CLMP: variants seen among roughly 807,000 people sequenced by gnomAD.
The protein encoded by CLMP is CXADR-like membrane protein.
CLMP carries 27 observed loss-of-function variants against 45.2 expected under a neutral mutation model. The observed-to-expected ratio is 0.60, with a 90% CI of 0.44 to 0.82. The LOEUF is 0.82. Ranked by LOEUF, CLMP falls within the 40% of genes least tolerant of loss-of-function variation. The pLI, the probability that CLMP is intolerant of heterozygous loss-of-function variation, is 0.00. For synonymous variants in CLMP, 167 were observed against 171.4 expected (o/e 0.97, Z 0.20); for missense variants, 403 against 448.4 (o/e 0.90, Z 0.91).
chr11:123,093,722 G>T (rs1295618135), intron 2 of CLMP, among the ~76,000 whole-genome samples: 1 of 151,952 alleles, frequency 6.6e-6, no homozygotes, highest in Admixed American at 6.6e-5. Context: ...AGTTCATCAG[G>T]GTGTGATGGG....
intron 2 of CLMP, among the ~76,000 whole-genome samples, chr11:123,088,407 C>T (rs1865889789): frequency 6.6e-6 from 1 of 152,142 alleles, no homozygotes; most frequent in South Asian, 2.1e-4. Context: ...ACTAGGTGCT[C>T]TGTTAATGTT....
At position 123,195,034 on chromosome 11, in the gene CLMP, G is replaced by C. The variant is rs1861962779; in HGVS notation, c.-94C>G. ...GACGGACCTCGGGCGAGCTGGGCGC[G>C]GCGCCTCGGGGTGCGCGCGAGGTGG... On this transcript the variant is annotated 5_prime_UTR_variant, in exon 1 of 7. Transcript: ENST00000448775. 2 of 1,265,780 alleles carry C rather than the reference G, an allele frequency of 1.6e-6. No individual in the cohort carries two copies. The highest frequency in any genetic ancestry group is 3.1e-5 in the Admixed American group (1 of 31,848). 78.4% of individuals were successfully genotyped at this position (1,265,780 alleles called of 1,614,324 possible). A position where few individuals can be genotyped will look rare whatever the true frequency, so the allele number is the denominator to read the frequency against.
intron 1 of CLMP, chr11:123,135,823 C>A: frequency 2.8e-6 from 1 of 363,268 alleles, no homozygotes; most frequent in Non-Finnish European, 5.5e-6. Context: ...TTTCTCCTTG[C>A]CCTACAGACT....
intron 5 of CLMP, among the ~76,000 whole-genome samples, chr11:123,075,562 T>G (rs913472490): frequency 6.6e-6 from 1 of 152,004 alleles, no homozygotes; most frequent in African/African-American, 2.4e-5. Flanking sequence ...AGTTTTTTTG[T>G]ATTTTTAGTA....
At chr11:123,110,639 A>G (rs1460486835) in intron 1 of CLMP, among the ~76,000 whole-genome samples, 2 of 152,060 alleles carry the variant, frequency 1.3e-5, no homozygotes, top group East Asian at 3.9e-4. Flanking sequence ...TGGTGTTGGT[A>G]CAAAGACCAA....
At position 123,106,418 on chromosome 11, in the gene CLMP, TGTGTGTGCGCGCGCGCGCGC is replaced by T. The variant is rs1283136020; in HGVS notation, c.29-8486_29-8467del. Among the ~76,000 whole-genome samples the T allele has an allele frequency of 4.8e-5, 5 of 103,372 alleles. No individual in the cohort carries two copies. In the South Asian group the frequency reaches 9.2e-4, roughly 19 times the overall value. 67.8% of individuals were successfully genotyped at this position (103,372 alleles called of 152,430 possible). ...GTGTGTGTGTGTGTGTGTGTGTGTGTGTGTGTGCGCGCGCGCGCGCGCACGTGCCTGCCTTCCAGATTGTT... is the reference window on the plus strand; with the variant it reads ...GTGTGTGTGTGTGTGTGTGTGTGTGTGCACGTGCCTGCCTTCCAGATTGTT... On this transcript the variant is annotated intron_variant, in intron 1 of 6. Coordinates refer to ENST00000448775, the MANE Select transcript of CLMP (RefSeq NM_024769.5).
intron 1 of CLMP, among the ~76,000 whole-genome samples, chr11:123,100,309 A>G (rs566626749): frequency 6.6e-6 from 1 of 151,536 alleles, no homozygotes; most frequent in East Asian, 1.9e-4. Context: ...TGAACCCAGG[A>G]GGCAGAGGTT....
intron 1 of CLMP, chr11:123,136,313 T>G (rs574421305): frequency 1.6e-6 from 1 of 630,524 alleles, no homozygotes; most frequent in South Asian, 1.4e-5. Context: ...TCGCGCATAC[T>G]CAGTTAAATC....
At chr11:123,140,231 A>G (rs1861135252) in intron 1 of CLMP, among the ~76,000 whole-genome samples, 1 of 152,198 alleles carries the variant, frequency 6.6e-6, no homozygotes, top group Non-Finnish European at 1.5e-5. Flanking sequence ...TCAGGAGGTC[A>G]GGTGAAAATA....
intron 1 of CLMP, among the ~76,000 whole-genome samples, chr11:123,145,452 G>GTT (rs66487810): frequency 0.02 from 1,219 of 61,684 alleles, 130 homozygotes; most frequent in Middle Eastern, 0.036. Context: ...CTCTGCGGCT[G>GTT]TTTTTTTTTT....
At chr11:123,136,275 C>G in intron 1 of CLMP, 2 of 650,644 alleles carry the variant, frequency 3.1e-6, no homozygotes, top group South Asian at 2.8e-5. Flanking sequence ...GAACTGTGGC[C>G]AAACACTGGA....
chr11:123,082,731 T>A (rs933696403), intron 5 of CLMP, among the ~76,000 whole-genome samples: 9 of 151,834 alleles, frequency 5.9e-5, no homozygotes, highest in Admixed American at 4.6e-4. Flanking sequence ...CTGCCTCAGC[T>A]TCCTGAGTAG....
At chr11:123,174,044 C>T (rs1214318950) in intron 1 of CLMP, among the ~76,000 whole-genome samples, 2 of 152,020 alleles carry the variant, frequency 1.3e-5, no homozygotes, top group Admixed American at 6.6e-5. Context: ...GATCTCGCTA[C>T]TGCATTCCAG....
In CLMP at chr11:123,118,977, CTTTCTTTCTTTCTTTCTT is replaced by C. The variant is rs1382471858; in HGVS notation, c.29-21043_29-21026del. 3.0e-4 allele frequency among the ~76,000 whole-genome samples: 15 copies of C among 49,540 alleles called. No individual in the cohort carries two copies. The South Asian group carries it at 4.4e-3, about 15-fold the overall frequency. 32.5% of individuals were successfully genotyped at this position (49,540 alleles called of 152,430 possible). ...TCTTTCTTTCTTTCTTTCTTTCTTT[CTTTCTTTCTTTCTTTCTT>C]TCTTTCTCTCTCTCTCTCTCTCTCT... On this transcript the variant is annotated intron_variant, in intron 1 of 6. Coordinates refer to ENST00000448775, the MANE Select transcript of CLMP (RefSeq NM_024769.5).
intron 1 of CLMP, among the ~76,000 whole-genome samples, chr11:123,156,267 C>T (rs2135529809): frequency 6.6e-6 from 1 of 152,318 alleles, no homozygotes; most frequent in Admixed American, 6.5e-5. Context: ...CAGCACCTTG[C>T]TTATGAATTT....
chr11:123,189,944 G>A (rs1861884547), intron 1 of CLMP, among the ~76,000 whole-genome samples: 1 of 149,980 alleles, frequency 6.7e-6, no homozygotes, highest in Non-Finnish European at 1.5e-5. Flanking sequence ...AGGGGTTGCA[G>A]TGAGTGGAGA....
At chr11:123,150,622 G>C (rs2135525625) in intron 1 of CLMP, among the ~76,000 whole-genome samples, 1 of 149,312 alleles carries the variant, frequency 6.7e-6, no homozygotes, top group Middle Eastern at 3.5e-3. Flanking sequence ...AGGAAGGAAG[G>C]AAAGGAAGGA....
At chr11:123,097,529 A>G (rs1053223671) in intron 2 of CLMP, among the ~76,000 whole-genome samples, 10 of 151,410 alleles carry the variant, frequency 6.6e-5, no homozygotes, top group African/African-American at 2.2e-4. Flanking sequence ...AGGTTTCACC[A>G]TGTTGGCCAG....
intron 2 of CLMP, among the ~76,000 whole-genome samples, chr11:123,090,711 C>G (rs914902568): frequency 2.6e-5 from 4 of 152,100 alleles, no homozygotes; most frequent in Non-Finnish European, 5.9e-5. Flanking sequence ...CAGCCCAATA[C>G]GCAAAGAATA....
Sources: gnomAD v4.1 joint callset for allele counts (sites outside exome capture counted in the v4.1 genomes callset) on GRCh38, gnomAD v4.1.1 for gene constraint, MANE v1.5 for transcripts, NCBI Gene and HGNC (gene_info 2026-07-23, HGNC 2026-07-21) for gene names.